Variants in EXOC8 observed in about 807,000 individuals in gnomAD.
EXOC8 encodes exocyst complex 84 kDa subunit.
EXOC8 carries 19 observed loss-of-function variants against 50.8 expected under a neutral mutation model. The ratio of observed to expected loss-of-function variants is 0.37; its 90% CI spans 0.26 to 0.55. EXOC8 has a LOEUF of 0.55. Among genes scored for constraint, EXOC8 ranks in the 20% least tolerant of loss-of-function variants. The pLI is 0.80. For missense variants in EXOC8, 781 were observed against 915.8 expected, an observed-to-expected ratio of 0.85 and a Z score of 1.90; for synonymous variants, 384 against 367.9, an observed-to-expected ratio of 1.04 and a Z score of -0.50.
Position 231,336,216 on chromosome 1 carries a change from A to G in EXOC8, c.1530T>C (p.Asp510=), listed in dbSNP as rs755026621. ...CTGCTGTAGAGAGGCTCTCCTTACT[A>G]TCAAACACCTGCTTGCTAAAAGCAT... ...FVDAFSKQVF[D]SKESLSTAAE... is the part of the protein sequence containing the mutation. Residue 510 remains aspartate (D), a synonymous_variant, in exon 1 of 1, where the codon GAT becomes GAC. Coordinates refer to ENST00000366645, the MANE Select transcript of EXOC8 (RefSeq NM_175876.5). The surrounding 1 kb of genome is among the most constrained non-coding windows in gnomAD (Gnocchi z 5.4). 6.2e-6 allele frequency: 10 copies of G among 1,614,050 alleles called. No individual in the cohort carries two copies. The highest frequency in any genetic ancestry group is 1.6e-4 in the Middle Eastern group (1 of 6,062).
chr1:231,337,179 T>G lies in EXOC8; in HGVS notation c.567A>C (p.Leu189=), dbSNP rs374787235. The G allele has an allele frequency of 2.5e-6, 4 of 1,613,998 alleles. No homozygotes were observed. In the African/African-American group the frequency reaches 5.3e-5, roughly 22 times the overall value. The change falls in exon 1 of 1, where the codon CTA becomes CTC. Residue 189 remains leucine (L), a synonymous_variant. Coordinates refer to ENST00000366645, the MANE Select transcript of EXOC8 (RefSeq NM_175876.5). The surrounding 1 kb of genome is among the most constrained non-coding windows in gnomAD (Gnocchi z 5.9). ...PGQYLVYNGD[L]VEYDADHMAQ... ...CCATGTGGTCCGCATCGTATTCCAC[T>G]AGGTCCCCATTGTACACCAAGTACT...
rs774866125 is a variant in EXOC8 at position 231,335,937 on chromosome 1, C to T, written c.1809G>A (p.Gln603=). 1 of 1,614,086 alleles carries T rather than the reference C, an allele frequency of 6.2e-7. No individual in the cohort carries two copies. Among genetic ancestry groups the T allele is most frequent in the African/African-American group, 1.3e-5 (1 of 74,922 alleles). The part of the protein sequence containing the change: ...MKSCGVSNFE[Q]YTGDDCWVNL... Reference sequence around the variant, plus strand: ...TCACCCAGCAGTCATCCCCTGTGTACTGCTCAAAGTTACTTACCCCACAAC... The same window carrying T: ...TCACCCAGCAGTCATCCCCTGTGTATTGCTCAAAGTTACTTACCCCACAAC... Residue 603 remains glutamine, a synonymous_variant, in exon 1 of 1, where the codon CAG becomes CAA. Coordinates refer to ENST00000366645, the MANE Select transcript of EXOC8 (RefSeq NM_175876.5).
rs973054590 is a variant in EXOC8 at position 231,335,105 on chromosome 1, T to A, written c.*463A>T. The stretch of plus-strand genomic sequence containing the variant: ...AAATACAAAAATTAGCTGGGTATGG[T>A]GGTGCCTGCCTGTGGTTCCTGCTAC... On this transcript the variant is annotated 3_prime_UTR_variant, in exon 1 of 1. Coordinates refer to ENST00000366645, the MANE Select transcript of EXOC8 (RefSeq NM_175876.5). 1.4e-4 allele frequency: 22 copies of A among 152,304 alleles called. No homozygotes were observed. Among genetic ancestry groups the A allele is most frequent in the African/African-American group, 4.6e-4 (19 of 41,388 alleles). The allele number at this position is 152,304 out of a possible 1,614,324, so 9.4% of individuals were successfully genotyped here.
At position 231,336,745 on chromosome 1, in the gene EXOC8, A is replaced by C; in HGVS notation, c.1001T>G (p.Met334Arg). 1.2e-6 allele frequency: 2 copies of C among 1,614,158 alleles called. No homozygotes were observed. The highest frequency in any genetic ancestry group is 3.3e-5 in the Admixed American group (2 of 60,028). ...TTCAGGTAACTCCTGGATCCATTCC[A>C]TGGAGAGGTCCACCTTCTCTTCCTC... ...EVEEEKVDLS[M>R]EWIQELPEDL... Residue 334 changes from methionine to arginine, a missense_variant, in exon 1 of 1, where the codon ATG (methionine) becomes AGG (arginine). Met to Arg is a moderately conservative substitution (Grantham distance 91). This residue lies in a region of EXOC8 where 700 missense variants were observed against 804.1 expected (regional missense o/e 0.87). Coordinates refer to ENST00000366645, the MANE Select transcript of EXOC8 (RefSeq NM_175876.5). The surrounding 1 kb of genome is among the most constrained non-coding windows in gnomAD (Gnocchi z 5.4).
Position 231,337,183 on chromosome 1 carries a change from TC to T in EXOC8, c.562del (p.Asp188ThrfsTer2). 6.2e-7 allele frequency: 1 copy of T among 1,614,056 alleles called. No homozygotes were observed. The highest frequency in any genetic ancestry group is 8.5e-7 in the Non-Finnish European group (1 of 1,180,016). ...TPGQYLVYNG[D>X]LVEYDADHMA... ...GTGGTCCGCATCGTATTCCACTAGG[TC>T]CCCATTGTACACCAAGTACTGTCCC... is the stretch of plus-strand genomic sequence containing the variant. On this transcript the variant is annotated frameshift_variant, in exon 1 of 1. Transcript: ENST00000366645. LOFTEE classifies it high-confidence loss of function. The surrounding 1 kb of genome is among the most constrained non-coding windows in gnomAD (Gnocchi z 5.9).
chr1:231,335,644 G>A lies in EXOC8; in HGVS notation c.2102C>T (p.Ala701Val). ...KRFEEGVGKPAKQLQDLRNAS... is the reference protein window; with the variant it reads ...KRFEEGVGKPVKQLQDLRNAS... ...ATTCCTCAGATCTTGGAGTTGCTTG[G>A]CAGGTTTCCCCACACCTTCTTCAAA... Residue 701 changes from alanine (A) to valine (V), a missense_variant, in exon 1 of 1, where the codon GCC becomes GTC. Around this residue, in one of 3 missense-constraint regions of EXOC8, gnomAD observed 79 missense variants for 95.3 expected, o/e 0.83. Coordinates refer to ENST00000366645, the MANE Select transcript of EXOC8 (RefSeq NM_175876.5). The A allele has an allele frequency of 6.2e-7, 1 of 1,614,144 alleles. No individual in the cohort carries two copies. The highest frequency in any genetic ancestry group is 1.1e-5 in the South Asian group (1 of 91,084).
rs1686675439 is a variant in EXOC8, at chr1:231,336,431, C to T, written c.1315G>A (p.Val439Ile). Residue 439 changes from valine to isoleucine, a missense_variant, in exon 1 of 1, where the codon GTT becomes ATT. Coordinates refer to ENST00000366645, the MANE Select transcript of EXOC8 (RefSeq NM_175876.5). The surrounding 1 kb of genome is among the most constrained non-coding windows in gnomAD (Gnocchi z 5.4). Reference protein sequence around the residue: ...ELFLRNRAAAVHTAIRQLRIE... With the variant: ...ELFLRNRAAAIHTAIRQLRIE... ...CGAAGCTGACGAATTGCAGTATGAA[C>T]AGCGGCTGCCCTGTTTCTCAAAAAT... The T allele has an allele frequency of 6.2e-7, 1 of 1,614,034 alleles. No homozygotes were observed. The highest frequency in any genetic ancestry group is 1.1e-5 in the South Asian group (1 of 91,072).
Position 231,337,164 on chromosome 1 carries a change from C to T in EXOC8, c.582G>A (p.Ala194=), listed in dbSNP as rs1209857084. 3 of 1,614,136 alleles carry T rather than the reference C, an allele frequency of 1.9e-6. No homozygotes were observed. The highest frequency in any genetic ancestry group is 2.5e-6 in the Non-Finnish European group (3 of 1,180,030). Residue 194 remains alanine (A), a synonymous_variant, in exon 1 of 1, where the codon GCG becomes GCA. Coordinates refer to ENST00000366645, the MANE Select transcript of EXOC8 (RefSeq NM_175876.5). The surrounding 1 kb of genome is among the most constrained non-coding windows in gnomAD (Gnocchi z 5.9). ...CCCGCTGCAGTTGGGCCATGTGGTC[C>T]GCATCGTATTCCACTAGGTCCCCAT... ...VYNGDLVEYD[A]DHMAQLQRVH...
At position 231,336,762 on chromosome 1, in the gene EXOC8, C is replaced by G. The variant is rs765149961; in HGVS notation, c.984G>C (p.Glu328Asp). Residue 328 changes from glutamate to aspartate, a missense_variant, in exon 1 of 1, where the codon GAG becomes GAC. Coordinates refer to ENST00000366645, the MANE Select transcript of EXOC8 (RefSeq NM_175876.5). The surrounding 1 kb of genome is among the most constrained non-coding windows in gnomAD (Gnocchi z 5.4). ...TCCATTCCATGGAGAGGTCCACCTT[C>G]TCTTCCTCTACCTCAGGAACAGCTG... ...EEPAVPEVEE[E>D]KVDLSMEWIQ... The G allele has an allele frequency of 6.2e-7, 1 of 1,614,218 alleles. No homozygotes were observed. Among genetic ancestry groups the G allele is most frequent in the South Asian group, 1.1e-5 (1 of 91,080 alleles).
At position 231,335,375 on chromosome 1, in the gene EXOC8, A is replaced by G; in HGVS notation, c.*193T>C. On this transcript the variant is annotated 3_prime_UTR_variant, in exon 1 of 1. Coordinates refer to ENST00000366645, the MANE Select transcript of EXOC8 (RefSeq NM_175876.5). ...TAGCTAGCATACTATACGTTTTAAT[A>G]ATTCCAGTATTTTTGTTACTTGGGC... 1 of 438,544 alleles carries G rather than the reference A, an allele frequency of 2.3e-6. No individual in the cohort carries two copies. The highest frequency in any genetic ancestry group is 3.8e-6 in the Non-Finnish European group (1 of 262,680). 27.2% of individuals were successfully genotyped at this position (438,544 alleles called of 1,614,324 possible).
In EXOC8 at chr1:231,337,595, G is replaced by C; in HGVS notation, c.151C>G (p.Leu51Val). 5 of 1,612,482 alleles carry C rather than the reference G, an allele frequency of 3.1e-6. No homozygotes were observed. In the South Asian group the frequency reaches 5.5e-5, roughly 18 times the overall value. ...LQEHRQRIQA[L>V]AEETAQNLKR... The stretch of plus-strand genomic sequence containing the variant: ...AGGTTCTGCGCCGTCTCCTCCGCCA[G>C]CGCCTGGATGCGCTGCCGGTGCTCC... The change falls in exon 1 of 1, where the codon CTG becomes GTG. Residue 51 changes from leucine to valine, a missense_variant. Transcript: ENST00000366645. This position sits in a 1 kb window ranked among gnomAD's most constrained non-coding sequence, Gnocchi z 5.9.
Position 231,336,107 on chromosome 1 carries a change from G to A in EXOC8, c.1639C>T (p.Leu547=), listed in dbSNP as rs1558357289. The A allele has an allele frequency of 1.9e-6, 3 of 1,614,232 alleles. No individual in the cohort carries two copies. The highest frequency in any genetic ancestry group is 2.5e-6 in the Non-Finnish European group (3 of 1,180,034). ...LDLTFIIHAL[L]VKDIQGALHS... ...AAGGCCCCTTGGATGTCTTTCACCA[G>A]AAGGGCATGGATGATGAAGGTGAGA... is the stretch of plus-strand genomic sequence containing the variant. Residue 547 remains leucine (L), a synonymous_variant, in exon 1 of 1, where the codon CTG becomes TTG. Coordinates refer to ENST00000366645, the MANE Select transcript of EXOC8 (RefSeq NM_175876.5). This position sits in a 1 kb window ranked among gnomAD's most constrained non-coding sequence, Gnocchi z 5.4.
Position 231,333,677 on chromosome 1 carries a change from T to G in EXOC8, c.*1891A>C, listed in dbSNP as rs1686609497. 1 of 152,638 alleles carries G rather than the reference T, an allele frequency of 6.6e-6. No homozygotes were observed. The highest frequency in any genetic ancestry group is 1.5e-5 in the Non-Finnish European group (1 of 68,026). 9.5% of individuals were successfully genotyped at this position (152,638 alleles called of 1,614,324 possible). ...GCCTTTGCTCAGCTAAGATATCCAGTTATGGTTACAACTTTCGAAAATCCT... is the reference window on the plus strand; with the variant it reads ...GCCTTTGCTCAGCTAAGATATCCAGGTATGGTTACAACTTTCGAAAATCCT... On this transcript the variant is annotated 3_prime_UTR_variant, in exon 1 of 1. Transcript: ENST00000366645.
rs1172625676 is a variant in EXOC8 at position 231,335,418 on chromosome 1, C to T, written c.*150G>A. ...ACTTGGGCTTAATTTAACTTATTTT[C>T]CTCTTTTTGATTTTTGTATTTTTAA... is the stretch of plus-strand genomic sequence containing the variant. On this transcript the variant is annotated 3_prime_UTR_variant, in exon 1 of 1. Coordinates refer to ENST00000366645, the MANE Select transcript of EXOC8 (RefSeq NM_175876.5). 1.5e-6 allele frequency: 1 copy of T among 684,752 alleles called. No homozygotes were observed. The highest frequency in any genetic ancestry group is 5.1e-5 in the South Asian group (1 of 19,776). The allele number at this position is 684,752 out of a possible 1,614,324, so 42.4% of individuals were successfully genotyped here.
chr1:231,336,888 C>T lies in EXOC8; in HGVS notation c.858G>A (p.Glu286=). The change falls in exon 1 of 1, where the codon GAG becomes GAA. Residue 286 remains glutamate (E), a synonymous_variant. Coordinates refer to ENST00000366645, the MANE Select transcript of EXOC8 (RefSeq NM_175876.5). The surrounding 1 kb of genome is among the most constrained non-coding windows in gnomAD (Gnocchi z 5.4). ...VLEDTKRALS[E]KRRREQEEAA... Reference sequence around the variant, plus strand: ...CCTCCTCCTGCTCCCTTCGCCTTTTCTCACTGAGGGCCCTCTTGGTGTCCT... The same window carrying T: ...CCTCCTCCTGCTCCCTTCGCCTTTTTTCACTGAGGGCCCTCTTGGTGTCCT... 3 of 1,614,174 alleles carry T rather than the reference C, an allele frequency of 1.9e-6. No homozygotes were observed. Among genetic ancestry groups the T allele is most frequent in the Middle Eastern group, 1.6e-4 (1 of 6,062 alleles).
rs532506311 is a variant in EXOC8, at chr1:231,333,967, A to C, written c.*1601T>G. On this transcript the variant is annotated 3_prime_UTR_variant, in exon 1 of 1. Coordinates refer to ENST00000366645, the MANE Select transcript of EXOC8 (RefSeq NM_175876.5). ...TCAAATTTGGTGCTTATGGACAAGA[A>C]TCACAACTAGAAGCTAGAGACAAAA... 6.6e-6 allele frequency: 1 copy of C among 152,340 alleles called. No homozygotes were observed. The highest frequency in any genetic ancestry group is 2.4e-5 in the African/African-American group (1 of 41,582). 9.4% of individuals were successfully genotyped at this position (152,340 alleles called of 1,614,324 possible).
chr1:231,337,780 C>T lies in EXOC8; in HGVS notation c.-35G>A, dbSNP rs1298051221. ...GGTCTCACGCACTCACTGTCACTAT[C>T]GGCGCCGCAGCCGCCGCGGCTGTCT... On this transcript the variant is annotated 5_prime_UTR_variant, in exon 1 of 1. Transcript: ENST00000366645. This position sits in a 1 kb window ranked among gnomAD's most constrained non-coding sequence, Gnocchi z 5.9. The T allele has an allele frequency of 1.9e-6, 3 of 1,546,494 alleles. No individual in the cohort carries two copies. The highest frequency in any genetic ancestry group is 3.5e-4 in the Middle Eastern group (2 of 5,724).
Position 231,335,950 on chromosome 1 carries a change from CT to C in EXOC8, c.1795del (p.Ser599ValfsTer13), listed in dbSNP as rs1418648505. 1 of 1,614,230 alleles carries C rather than the reference CT, an allele frequency of 6.2e-7. No homozygotes were observed. Among genetic ancestry groups the C allele is most frequent in the Non-Finnish European group, 8.5e-7 (1 of 1,180,038 alleles). On this transcript the variant is annotated frameshift_variant, in exon 1 of 1. Coordinates refer to ENST00000366645, the MANE Select transcript of EXOC8 (RefSeq NM_175876.5). LOFTEE classifies it high-confidence loss of function. ...LKEEMKSCGV[S>X]NFEQYTGDDC... is the part of the protein sequence containing the mutation. ...ATCCCCTGTGTACTGCTCAAAGTTA[CT>C]TACCCCACAACTTTTCATCTCTTCT... is the stretch of plus-strand genomic sequence containing the variant.
rs528243560 is a variant in EXOC8, at chr1:231,332,928, A to G, written c.*2640T>C. The G allele has an allele frequency of 2.0e-5, 3 of 152,298 alleles. No homozygotes were observed. The highest frequency in any genetic ancestry group is 2.1e-4 in the South Asian group (1 of 4,826). The allele number at this position is 152,298 out of a possible 1,614,324, so 9.4% of individuals were successfully genotyped here. A position where few individuals can be genotyped will look rare whatever the true frequency, so the allele number is the denominator to read the frequency against. ...ACAAAATACAAGTGCCGATAATTAA[A>G]CTATAGGTAGTATATTAAACAAAAA... On this transcript the variant is annotated 3_prime_UTR_variant, in exon 1 of 1. Coordinates refer to ENST00000366645, the MANE Select transcript of EXOC8 (RefSeq NM_175876.5).
Sources: allele counts gnomAD v4.1 joint callset, GRCh38; gene constraint gnomAD v4.1.1; regional missense constraint gnomAD v4.1.1; non-coding constraint Gnocchi (gnomAD v3.1); transcripts MANE v1.5; gene names NCBI Gene and HGNC (gene_info 2026-07-23, HGNC 2026-07-21).